Variants in LIMCH1 observed in about 807,000 individuals in gnomAD.
LIMCH1 encodes LIM and calponin homology domains-containing protein 1.
A neutral mutation model predicts 176.5 loss-of-function variants in LIMCH1; 113 were observed. The observed-to-expected ratio is 0.64, with a 90% CI of 0.55 to 0.75. The LOEUF (loss-of-function observed/expected upper bound fraction) is 0.75, where lower values mean the gene tolerates loss of function less well. Ranked by LOEUF, LIMCH1 falls within the 30% of genes least tolerant of loss-of-function variation. LIMCH1 has a pLI of 0.00. For synonymous variants in LIMCH1, 619 were observed against 645.9 expected (o/e 0.96, Z 0.63); for missense variants, 1,674 against 1,814.9 (o/e 0.92, Z 1.41).
chr4:41,387,880 C>A (rs1404074746), intron 1 of LIMCH1, among the ~76,000 whole-genome samples: 1 of 152,162 alleles, frequency 6.6e-6, no homozygotes, highest in Non-Finnish European at 1.5e-5. Flanking sequence ...GAGGCTGAGG[C>A]GGGTGGATCA....
At chr4:41,447,115 AG>A (rs1561399550) in intron 1 of LIMCH1, among the ~76,000 whole-genome samples, 1 of 152,154 alleles carries the variant, frequency 6.6e-6, no homozygotes, top group East Asian at 1.9e-4. Flanking sequence ...CTGTAGTCCT[AG>A]TTACTCAGGA....
At chr4:41,673,918 G>A (rs1231838164) in intron 22 of LIMCH1, among the ~76,000 whole-genome samples, 1 of 152,156 alleles carries the variant, frequency 6.6e-6, no homozygotes, top group Non-Finnish European at 1.5e-5. Flanking sequence ...CTGGTCATAT[G>A]CATATATTGG....
rs1480777441 is a variant in LIMCH1, at chr4:41,633,024, G to A, written c.1768G>A (p.Ala590Thr). The A allele has an allele frequency of 1.7e-5, 26 of 1,535,956 alleles. No individual in the cohort carries two copies. Among genetic ancestry groups the A allele is most frequent in the Middle Eastern group, 1.7e-4 (1 of 5,984 alleles). ...PQDGKEETESAPRDSERLSKA... is the reference protein window; with the variant it reads ...PQDGKEETESTPRDSERLSKA... Reference sequence around the variant, plus strand: ...GGATGGCAAAGAAGAAACAGAAAGCGCTCCAAGAGATTCTGAGAGGCTGTC... The same window carrying A: ...GGATGGCAAAGAAGAAACAGAAAGCACTCCAAGAGATTCTGAGAGGCTGTC... The change falls in exon 12 of 32, where the codon GCT becomes ACT. Residue 590 changes from alanine (A) to threonine (T), a missense_variant. Physicochemically the swap from Ala to Thr is moderately conservative, Grantham distance 58. Around this residue, in one of 3 missense-constraint regions of LIMCH1, gnomAD observed 1,015 missense variants for 1,102.5 expected, o/e 0.92. Transcript: ENST00000503057.
chr4:41,418,653 C>T (rs1361800686), intron 1 of LIMCH1: 1 of 152,148 alleles, frequency 6.6e-6, no homozygotes, highest in East Asian at 1.9e-4. Context: ...CTGTTGTTAC[C>T]ACAGAACTTT....
intron 4 of LIMCH1, chr4:41,613,239 T>TTA (rs1554127179): frequency 8.1e-5 from 75 of 926,970 alleles, no homozygotes; most frequent in Non-Finnish European, 1.0e-4. Context: ...GGGATTTTTT[T>TTA]AAAAAAAACG....
At chr4:41,481,794 T>G (rs924451299) in intron 1 of LIMCH1, among the ~76,000 whole-genome samples, 7 of 151,956 alleles carry the variant, frequency 4.6e-5, no homozygotes, top group Admixed American at 1.3e-4. Context: ...GTGGAACAGG[T>G]CGGAGTAGGG....
chr4:41,581,077 ACTGT>A (rs5857799), intron 1 of LIMCH1, among the ~76,000 whole-genome samples: 9,165 of 151,936 alleles, frequency 0.06, 893 homozygotes, highest in African/African-American at 0.2. Context: ...AAGAAGGAAA[ACTGT>A]CTGTCTGTCT....
intron 1 of LIMCH1, among the ~76,000 whole-genome samples, chr4:41,403,407 C>G (rs140791719): frequency 0.066 from 10,077 of 152,024 alleles, 657 homozygotes; most frequent in South Asian, 0.18. Context: ...ATGATGAAAC[C>G]CTGTCTCTAC....
At chr4:41,656,308 C>A (rs141200333) in intron 18 of LIMCH1, among the ~76,000 whole-genome samples, 1 of 152,292 alleles carries the variant, frequency 6.6e-6, no homozygotes, top group East Asian at 1.9e-4. Flanking sequence ...CTGCAAATTC[C>A]TTTTAGATGG....
At chr4:41,677,753 G>A (rs1182668389) in intron 23 of LIMCH1, among the ~76,000 whole-genome samples, 1 of 152,156 alleles carries the variant, frequency 6.6e-6, no homozygotes, top group East Asian at 1.9e-4. Flanking sequence ...ACTAATAGGT[G>A]TCAAGACCAG....
intron 1 of LIMCH1, among the ~76,000 whole-genome samples, chr4:41,419,684 CTT>C: frequency 1.9e-5 from 1 of 52,844 alleles, no homozygotes; most frequent in Non-Finnish European, 3.7e-5. Flanking sequence ...TTCCTTCCTC[CTT>C]CCTTCCTTCC....
At chr4:41,538,116 G>A, upstream of LIMCH1, 1 of 968,860 alleles carries the variant, frequency 1.0e-6, no homozygotes, top group South Asian at 4.8e-5. Context: ...TCTCCAATAG[G>A]TGTGGCAATC....
At chr4:41,458,137 T>A (rs2064838294) in intron 1 of LIMCH1, among the ~76,000 whole-genome samples, 2 of 152,184 alleles carry the variant, frequency 1.3e-5, no homozygotes. Flanking sequence ...AAACTTCTTA[T>A]GTACCTCATA....
At chr4:41,518,350 C>T (rs1421824226) in intron 2 of LIMCH1, among the ~76,000 whole-genome samples, 2 of 152,092 alleles carry the variant, frequency 1.3e-5, no homozygotes, top group African/African-American at 2.4e-5. Context: ...TGAAACAGAA[C>T]CTCTCTCTTC....
At chr4:41,525,385 G>A (rs964478552) in intron 3 of LIMCH1, among the ~76,000 whole-genome samples, 2 of 152,162 alleles carry the variant, frequency 1.3e-5, no homozygotes, top group Admixed American at 6.5e-5. Flanking sequence ...AGGATCCTAC[G>A]TAGACCTTAC....
intron 6 of LIMCH1, 198 bp from the exon 7 acceptor site, chr4:41,620,224 ACT>A (rs2092457147): frequency 1.8e-6 from 1 of 561,482 alleles, no homozygotes; most frequent in African/African-American, 1.9e-5. Context: ...GTCTGGGATA[ACT>A]CTCAATGTTG....
intron 1 of LIMCH1, among the ~76,000 whole-genome samples, chr4:41,584,612 T>G (rs181810698): frequency 1.3e-3 from 205 of 152,302 alleles, no homozygotes; most frequent in Non-Finnish European, 6.6e-4. Flanking sequence ...TTTCCAAACT[T>G]TATTTGATCC....
chr4:41,373,257 A>G lies in LIMCH1; in HGVS notation c.96+12321A>G, dbSNP rs539117566. ...GCCATGCAAAAATGAGCAAGAAATCATGTTCTAGGCAAACACTTCAGGCTG... is the reference window on the plus strand; with the variant it reads ...GCCATGCAAAAATGAGCAAGAAATCGTGTTCTAGGCAAACACTTCAGGCTG... On this transcript the variant is annotated intron_variant, in intron 1 of 26. Transcript: ENST00000313860. Among the ~76,000 whole-genome samples the G allele has an allele frequency of 3.3e-5, 5 of 152,322 alleles. No homozygotes were observed. The South Asian group carries it at 8.3e-4, about 25-fold the overall frequency.
In LIMCH1 at chr4:41,501,507, A is replaced by G. The variant is rs530267433; in HGVS notation, c.167+6901A>G. ...TAAGCCTTGTAGAGATAAGTCATCT[A>G]GTCGCCACATCAAAAGGAGACAGAG... is the stretch of plus-strand genomic sequence containing the variant. On this transcript the variant is annotated intron_variant, in intron 2 of 26. Transcript: ENST00000313860. Among the ~76,000 whole-genome samples, 236 of 152,336 alleles carry G rather than the reference A, an allele frequency of 1.5e-3. 2 individuals carry two copies. Among genetic ancestry groups the G allele is most frequent in the Admixed American group, 3.7e-3 (57 of 15,308 alleles).
Sources: gnomAD v4.1 joint callset for allele counts (sites outside exome capture counted in the v4.1 genomes callset) on GRCh38, gnomAD v4.1.1 for gene constraint, gnomAD v4.1.1 regional missense constraint, MANE v1.5 for transcripts, NCBI Gene and HGNC (gene_info 2026-07-23, HGNC 2026-07-21) for gene names.